Variants in FAM193A observed in about 807,000 individuals in gnomAD.
The protein encoded by FAM193A is protein FAM193A.
FAM193A carries 22 observed loss-of-function variants against 126.5 expected under a neutral mutation model. That is an observed-to-expected ratio of 0.17 (90% CI 0.12 to 0.25). The LOEUF is 0.25. FAM193A is among the 10% of genes least tolerant of loss of function. The pLI, the probability that FAM193A is intolerant of heterozygous loss-of-function variation, is 1.00. For missense variants in FAM193A, 1,675 were observed against 1,672.8 expected, an observed-to-expected ratio of 1.00 and a Z score of -0.02; for synonymous variants, 761 against 646.8, an observed-to-expected ratio of 1.18 and a Z score of -2.68.
At chr4:2,638,556 G>A (rs79973277) in intron 5 of FAM193A, among the ~76,000 whole-genome samples, 1 of 152,274 alleles carries the variant, frequency 6.6e-6, no homozygotes, top group African/African-American at 2.4e-5. Flanking sequence ...CAAAACGGAA[G>A]GTTTTAGATT....
intron 13 of FAM193A, among the ~76,000 whole-genome samples, chr4:2,687,707 G>T (rs567425137): frequency 6.6e-6 from 1 of 152,014 alleles, no homozygotes; most frequent in African/African-American, 2.4e-5. Context: ...TCCTCCTTCC[G>T]CCTTCTGGTT....
intron 7 of FAM193A, among the ~76,000 whole-genome samples, chr4:2,650,789 T>TA (rs1258093130): frequency 2.0e-5 from 3 of 152,072 alleles, no homozygotes; most frequent in African/African-American, 7.2e-5. Context: ...AAGGACCGCA[T>TA]AAAAAAAGAG....
rs1712200933 is a variant in FAM193A at position 2,659,886 on chromosome 4, T to A, written c.1577T>A (p.Ile526Asn). Residue 526 changes from isoleucine (I) to asparagine (N), a missense_variant, in exon 10 of 21, where the codon ATC becomes AAC. By Grantham distance (149) the Ile-to-Asn change is moderately radical. This residue lies in a region of FAM193A where 1,186 missense variants were observed against 1,109.2 expected (regional missense o/e 1.07). Coordinates refer to ENST00000637812, the MANE Select transcript of FAM193A (RefSeq NM_001366318.2). ...GIMDPPVTDD[I>N]HIHQLPLQVD... ...ATGGACCCCCCCGTCACTGATGACA[T>A]CCACATTCACCAGCTCCCACTTCAA... 3.1e-6 allele frequency: 5 copies of A among 1,614,002 alleles called. No individual in the cohort carries two copies. Among genetic ancestry groups the A allele is most frequent in the Non-Finnish European group, 4.2e-6 (5 of 1,180,038 alleles).
chr4:2,658,672 C>G (rs140074787), intron 8 of FAM193A, among the ~76,000 whole-genome samples: 60 of 152,328 alleles, frequency 3.9e-4, no homozygotes, highest in African/African-American at 1.4e-3. Flanking sequence ...CTCTGGGCAC[C>G]ACAGGTATAC....
At chr4:2,598,478 T>C (rs996774726) in intron 2 of FAM193A, among the ~76,000 whole-genome samples, 2 of 152,248 alleles carry the variant, frequency 1.3e-5, no homozygotes, top group Non-Finnish European at 2.9e-5. Flanking sequence ...GCTAAAGTTA[T>C]GTTAATGATT....
intron 7 of FAM193A, among the ~76,000 whole-genome samples, chr4:2,650,270 T>C (rs1211026381): frequency 6.6e-6 from 1 of 152,196 alleles, no homozygotes; most frequent in Admixed American, 6.5e-5. Context: ...TCCCTGGTCC[T>C]AAAAAGGTTG....
At chr4:2,631,365 G>A (rs1431669382) in intron 5 of FAM193A, among the ~76,000 whole-genome samples, 196 bp downstream of exon 5, 2 of 152,108 alleles carry the variant, frequency 1.3e-5, no homozygotes, top group Non-Finnish European at 2.9e-5. Flanking sequence ...CTGGATAAAA[G>A]CATTGGGTGG....
chr4:2,641,123 C>T (rs960268538), intron 6 of FAM193A, among the ~76,000 whole-genome samples: 2 of 151,634 alleles, frequency 1.3e-5, no homozygotes, highest in African/African-American at 4.8e-5. Context: ...TCACTGCAAC[C>T]TCCACCTCCC....
At chr4:2,603,988 G>T (rs189586639) in intron 2 of FAM193A, among the ~76,000 whole-genome samples, 2 of 151,772 alleles carry the variant, frequency 1.3e-5, no homozygotes, top group Non-Finnish European at 2.9e-5. Flanking sequence ...GATTACAGGC[G>T]TGTGTCACCA....
intron 5 of FAM193A, among the ~76,000 whole-genome samples, chr4:2,634,144 A>C (rs982168468): frequency 5.9e-5 from 9 of 152,194 alleles, no homozygotes; most frequent in Admixed American, 5.2e-4. Context: ...CGAGCACCGA[A>C]AGGGACAGCA....
At chr4:2,614,781 C>G (rs1307007301) in intron 2 of FAM193A, among the ~76,000 whole-genome samples, 1 of 152,178 alleles carries the variant, frequency 6.6e-6, no homozygotes, top group African/African-American at 2.4e-5. Context: ...AAGTTCAATT[C>G]ATTTGATGGA....
At chr4:2,611,018 T>C (rs1164182297) in intron 2 of FAM193A, among the ~76,000 whole-genome samples, 1 of 152,112 alleles carries the variant, frequency 6.6e-6, no homozygotes, top group East Asian at 1.9e-4. Flanking sequence ...ATTACAGGCA[T>C]GAGCCACCGT....
chr4:2,706,291 CTTTT>C (rs59143784), intron 19 of FAM193A, among the ~76,000 whole-genome samples: 18 of 108,616 alleles, frequency 1.7e-4, no homozygotes, highest in South Asian at 9.3e-4. Flanking sequence ...TTCTTTCTTT[CTTTT>C]TTTTTTTTTT....
At chr4:2,694,812 C>A in intron 16 of FAM193A, 134 bp from the exon 17 acceptor site, 2 of 696,728 alleles carry the variant, frequency 2.9e-6, no homozygotes, top group Non-Finnish European at 4.6e-6. Context: ...TCCCTAGTAA[C>A]CCTGGGACTA....
At chr4:2,625,166 GT>G (rs1742830821) in intron 2 of FAM193A, 95 bp from the exon 3 acceptor site, 5 of 597,298 alleles carry the variant, frequency 8.4e-6, no homozygotes, top group Non-Finnish European at 1.5e-5. Flanking sequence ...AGGTTTTACA[GT>G]TTTTTAAAAG....
intron 2 of FAM193A, among the ~76,000 whole-genome samples, chr4:2,624,959 G>A (rs920703218): frequency 6.6e-6 from 1 of 152,326 alleles, no homozygotes; most frequent in East Asian, 1.9e-4. Context: ...CCAGGCTCAA[G>A]TGATCCTGTC....
chr4:2,608,218 G>GAAAA, intron 2 of FAM193A: 1 of 1,208,158 alleles, frequency 8.3e-7, no homozygotes, highest in African/African-American at 1.5e-5. Context: ...GGTCGGTCTC[G>GAAAA]CCCAGTATGG....
chr4:2,672,317 C>T lies in FAM193A; in HGVS notation c.2276C>T (p.Pro759Leu). The T allele has an allele frequency of 6.2e-7, 1 of 1,614,184 alleles. No homozygotes were observed. Among genetic ancestry groups the T allele is most frequent in the East Asian group, 2.2e-5 (1 of 44,884 alleles). Residue 759 changes from proline (P) to leucine (L), a missense_variant, in exon 13 of 21, where the codon CCA (proline) becomes CTA (leucine). Transcript: ENST00000637812. ...CCTTTGCACACTGTTCCACACCTGCCACGCCCTCTCATCCACCCCACCTTG... is the reference window on the plus strand; with the variant it reads ...CCTTTGCACACTGTTCCACACCTGCTACGCCCTCTCATCCACCCCACCTTG... ...HVPLHTVPHL[P>L]RPLIHPTLYA...
chr4:2,638,271 T>G (rs1299636024), intron 5 of FAM193A, among the ~76,000 whole-genome samples: 1 of 152,230 alleles, frequency 6.6e-6, no homozygotes, highest in African/African-American at 2.4e-5. Context: ...CAGCGGACTA[T>G]TGTAGCAGGA....
Sources: allele counts gnomAD v4.1 joint callset (sites outside exome capture counted in the v4.1 genomes callset), GRCh38; gene constraint gnomAD v4.1.1; regional missense constraint gnomAD v4.1.1; transcripts MANE v1.5; gene names NCBI Gene and HGNC (gene_info 2026-07-23, HGNC 2026-07-21).